The following CCDC38 variants were observed in gnomAD, a reference collection of about 807,000 sequenced individuals.
CCDC38 encodes the protein coiled-coil domain-containing protein 38.
Under a neutral mutation model 72.8 loss-of-function variants are expected in CCDC38, and 69 were observed. The observed-to-expected ratio is 0.95, with a 90% CI of 0.78 to 1.16. The LOEUF (loss-of-function observed/expected upper bound fraction) is 1.16, where lower values mean the gene tolerates loss of function less well. Among genes scored for constraint, CCDC38 ranks in the 50% most tolerant of loss-of-function variants. The pLI is 0.00. For synonymous variants in CCDC38, 201 were observed against 213.2 expected (o/e 0.94, Z 0.50); for missense variants, 626 against 638.9 (o/e 0.98, Z 0.22).
At chr12:95,893,987 G>A (rs749629196) in intron 8 of CCDC38, among the ~76,000 whole-genome samples, 64 of 152,142 alleles carry the variant, frequency 4.2e-4, no homozygotes, top group African/African-American at 1.4e-3. Flanking sequence ...CATGACGGCC[G>A]AGGCGGGCAG....
intron 2 of CCDC38, among the ~76,000 whole-genome samples, chr12:95,927,748 G>A (rs373319020): frequency 2.0e-5 from 3 of 151,938 alleles, no homozygotes; most frequent in Admixed American, 6.6e-5. Flanking sequence ...TGACAAAATC[G>A]CTCAGCATTT....
At chr12:95,892,142 T>A (rs1395119855) in intron 8 of CCDC38, among the ~76,000 whole-genome samples, 2 of 146,286 alleles carry the variant, frequency 1.4e-5, no homozygotes, top group African/African-American at 5.1e-5. Context: ...TGATGTCCAA[T>A]GTCTGAAAAT....
In CCDC38 at chr12:95,878,233, C is replaced by G; in HGVS notation, c.1256G>C (p.Gly419Ala). The G allele has an allele frequency of 6.2e-7, 1 of 1,613,416 alleles. No homozygotes were observed. The highest frequency in any genetic ancestry group is 8.5e-7 in the Non-Finnish European group (1 of 1,179,776). Residue 419 changes from glycine to alanine, a missense_variant, in exon 13 of 16, where the codon GGA becomes GCA. Physicochemically the swap from Gly to Ala is moderately conservative, Grantham distance 60 (BLOSUM62 0). Coordinates refer to ENST00000344280, the MANE Select transcript of CCDC38 (RefSeq NM_182496.3). ...TACCTGAGCATCTGAATTAAATTCT[C>G]CAAAGCTAAAGAGCTTGGACTTTAA... ...LQLKSKLFSFGEFNSDAQEIL... is the reference protein window; with the variant it reads ...LQLKSKLFSFAEFNSDAQEIL...
intron 2 of CCDC38, among the ~76,000 whole-genome samples, chr12:95,923,280 T>C (rs555195296): frequency 1.3e-5 from 2 of 152,212 alleles, no homozygotes; most frequent in African/African-American, 4.8e-5. Context: ...TTACTCATAG[T>C]AAATCTCCTT....
At chr12:95,884,291 T>C (rs973785986) in intron 10 of CCDC38, among the ~76,000 whole-genome samples, 3 of 152,214 alleles carry the variant, frequency 2.0e-5, no homozygotes, top group African/African-American at 7.2e-5. Flanking sequence ...AATGACTGCA[T>C]GGACACCAAA....
intron 9 of CCDC38, among the ~76,000 whole-genome samples, chr12:95,889,679 G>GCTCCT (rs2079801536): frequency 6.6e-6 from 1 of 152,082 alleles, no homozygotes; most frequent in African/African-American, 2.4e-5. Flanking sequence ...CAGGAGAAAA[G>GCTCCT]GAGTCCCCAG....
chr12:95,901,959 G>T (rs2079954926), intron 5 of CCDC38, among the ~76,000 whole-genome samples: 1 of 152,040 alleles, frequency 6.6e-6, no homozygotes, highest in African/African-American at 2.4e-5. Context: ...TCTAAAGAGG[G>T]TCCCAACTCT....
intron 5 of CCDC38, among the ~76,000 whole-genome samples, chr12:95,904,256 T>A (rs910303841): frequency 1.3e-5 from 2 of 152,228 alleles, no homozygotes; most frequent in African/African-American, 2.4e-5. Context: ...AAAATAAAGA[T>A]GCCATGAAGC....
intron 4 of CCDC38, among the ~76,000 whole-genome samples, chr12:95,912,514 T>C (rs910391449): frequency 1.3e-5 from 2 of 152,100 alleles, no homozygotes; most frequent in Non-Finnish European, 2.9e-5. Context: ...CAAGTACAGC[T>C]AGACAGCAGG....
chr12:95,919,666 A>G (rs919546511), intron 2 of CCDC38: 3 of 455,048 alleles, frequency 6.6e-6, no homozygotes, highest in Non-Finnish European at 1.3e-5. Flanking sequence ...GTCTTTACCA[A>G]AATAGTAGGA....
chr12:95,888,447 A>G lies in CCDC38; in HGVS notation c.920+11T>C. On this transcript the variant is annotated intron_variant, in intron 10 of 15. Coordinates refer to ENST00000344280, the MANE Select transcript of CCDC38 (RefSeq NM_182496.3). ...CAGTTTCCAAGGGAGTTAGTCAAGT[A>G]TATACTGTACTTTGATTTCTTTTTC... 2 of 1,613,026 alleles carry G rather than the reference A, an allele frequency of 1.2e-6. No individual in the cohort carries two copies. Among genetic ancestry groups the G allele is most frequent in the Non-Finnish European group, 1.7e-6 (2 of 1,179,064 alleles).
At chr12:95,920,111 C>T (rs1222262283) in intron 2 of CCDC38, among the ~76,000 whole-genome samples, 2 of 152,128 alleles carry the variant, frequency 1.3e-5, no homozygotes, top group South Asian at 4.1e-4. Flanking sequence ...TTGGCTGTGT[C>T]CTCATCCAAA....
intron 2 of CCDC38, among the ~76,000 whole-genome samples, chr12:95,935,945 G>A (rs943974290): frequency 6.6e-6 from 1 of 152,080 alleles, no homozygotes; most frequent in South Asian, 2.1e-4. Context: ...GGGCGTGGTG[G>A]TGCATGCCTC....
chr12:95,890,159 G>A (rs751799960), intron 9 of CCDC38, among the ~76,000 whole-genome samples: 83 of 152,258 alleles, frequency 5.5e-4, no homozygotes, highest in Middle Eastern at 3.4e-3. Context: ...TGATCCACCT[G>A]CCTCAGCCTC....
chr12:95,900,413 G>A (rs753269393), intron 5 of CCDC38, among the ~76,000 whole-genome samples: 2 of 152,100 alleles, frequency 1.3e-5, no homozygotes, highest in Admixed American at 6.6e-5. Context: ...AGACGAAAAC[G>A]GATTTCAGTT....
intron 2 of CCDC38, 52 bp from the exon 3 acceptor site, chr12:95,919,028 G>A: frequency 8.9e-7 from 1 of 1,122,732 alleles, no homozygotes; most frequent in Non-Finnish European, 1.4e-6. Flanking sequence ...TTCCTCTGCT[G>A]ACCAGAATAG....
intron 2 of CCDC38, among the ~76,000 whole-genome samples, chr12:95,926,862 T>A: frequency 6.6e-6 from 1 of 151,768 alleles, no homozygotes; most frequent in Non-Finnish European, 1.5e-5. Context: ...TTGAGTGAGA[T>A]TCTTAATCCT....
intron 5 of CCDC38, among the ~76,000 whole-genome samples, chr12:95,901,979 A>G (rs1338649221): frequency 2.0e-5 from 3 of 152,164 alleles, no homozygotes; most frequent in Admixed American, 2.0e-4. Context: ...TGCTATAAAT[A>G]AAAAAATAAA....
chr12:95,915,994 T>C (rs1325586102), intron 4 of CCDC38, among the ~76,000 whole-genome samples: 2 of 152,218 alleles, frequency 1.3e-5, no homozygotes, highest in Admixed American at 1.3e-4. Flanking sequence ...TGCTGGAGTG[T>C]CCTGGGTATT....
Sources: allele counts gnomAD v4.1 joint callset (sites outside exome capture counted in the v4.1 genomes callset), GRCh38; gene constraint gnomAD v4.1.1; transcripts MANE v1.5; gene names NCBI Gene and HGNC (gene_info 2026-07-23, HGNC 2026-07-21).